Variants in CRMP1 observed in about 807,000 individuals in gnomAD.
CRMP1 encodes collapsin response mediator protein 1, also known as dihydropyrimidinase-related protein 1.
In CRMP1, 19 loss-of-function variants were observed where a neutral mutation model predicts 68.3. The ratio of observed to expected loss-of-function variants is 0.28; its 90% CI spans 0.19 to 0.41. The LOEUF (loss-of-function observed/expected upper bound fraction) is 0.41. Among genes scored for constraint, CRMP1 ranks in the 10% least tolerant of loss-of-function variants. CRMP1 has a pLI of 1.00. For synonymous variants in CRMP1, 439 were observed against 399.6 expected, an observed-to-expected ratio of 1.10 and a Z score of -1.18; for missense variants, 791 against 967.4, an observed-to-expected ratio of 0.82 and a Z score of 2.42.
intron 12 of CRMP1, among the ~76,000 whole-genome samples, chr4:5,827,278 A>G (rs939213437): frequency 3.3e-5 from 5 of 152,194 alleles, no homozygotes; most frequent in African/African-American, 1.2e-4. Flanking sequence ...TGTCCCAGCC[A>G]GGGATTTCCA....
At chr4:5,882,719 T>A (rs1000734297) in intron 1 of CRMP1, among the ~76,000 whole-genome samples, 3 of 152,148 alleles carry the variant, frequency 2.0e-5, no homozygotes, top group African/African-American at 7.2e-5. Flanking sequence ...GAATCCACAT[T>A]CCTACAAGCT....
At position 5,844,084 on chromosome 4, in the gene CRMP1, TC is replaced by T. The variant is rs556705256; in HGVS notation, c.964-924del. Among the ~76,000 whole-genome samples, 343 of 152,258 alleles carry T rather than the reference TC, an allele frequency of 2.3e-3. 4 individuals carry two copies. The highest frequency in any genetic ancestry group is 7.8e-3 in the African/African-American group (325 of 41,552). ...ACCCCGTCATGAACCCTGGGCCTCATCACCCATGAAAAGAAATCACAATCTC... is the reference window on the plus strand; with the variant it reads ...ACCCCGTCATGAACCCTGGGCCTCATACCCATGAAAAGAAATCACAATCTC... On this transcript the variant is annotated intron_variant, in intron 6 of 13. Coordinates refer to ENST00000324989, the MANE Select transcript of CRMP1 (RefSeq NM_001014809.3).
chr4:5,847,184 A>C (rs1712282699), intron 6 of CRMP1, among the ~76,000 whole-genome samples: 1 of 152,164 alleles, frequency 6.6e-6, no homozygotes, highest in South Asian at 2.1e-4. Flanking sequence ...TGTCAGGTCC[A>C]CCACTGCATG....
In CRMP1 at chr4:5,838,864, C is replaced by T. The variant is rs1282188076; in HGVS notation, c.1310+658G>A. On this transcript the variant is annotated intron_variant, in intron 9 of 13. Transcript: ENST00000324989. This position sits in a 1 kb window ranked among gnomAD's most constrained non-coding sequence, Gnocchi z 4.9. ...AGCTTTAGTCTTGATGCCCCCTCCT[C>T]CAGAAAGCCTTCTGCAAGCCTCCCG... Among the ~76,000 whole-genome samples, 1 of 152,202 alleles carries T rather than the reference C, an allele frequency of 6.6e-6. No individual in the cohort carries two copies. The highest frequency in any genetic ancestry group is 1.5e-5 in the Non-Finnish European group (1 of 68,042).
rs899495770 is a variant in CRMP1 at position 5,865,647 on chromosome 4, C to T, written c.470+1021G>A. 3.3e-5 allele frequency among the ~76,000 whole-genome samples: 5 copies of T among 151,748 alleles called. No homozygotes were observed. Among genetic ancestry groups the T allele is most frequent in the African/African-American group, 4.8e-5 (2 of 41,306 alleles). On this transcript the variant is annotated intron_variant, in intron 2 of 13. Coordinates refer to ENST00000324989, the MANE Select transcript of CRMP1 (RefSeq NM_001014809.3). This position sits in a 1 kb window ranked among gnomAD's most constrained non-coding sequence, Gnocchi z 4.1. ...AAAAAAAAAAAAAAAAGAAGGCCGC[C>T]GCCTACAGACCCCTGCCTGGCGTTA...
At chr4:5,856,420 C>G (rs556063584) in intron 3 of CRMP1, 113 bp from the exon 4 acceptor site, 1 of 965,692 alleles carries the variant, frequency 1.0e-6, no homozygotes, top group African/African-American at 1.6e-5. Flanking sequence ...CCATCATCAT[C>G]ATCACCATAA....
chr4:5,821,006 G>A lies in CRMP1; in HGVS notation c.*754C>T, dbSNP rs1718443098. Reference sequence around the variant, plus strand: ...ATCGTCAGCCCCGAATGGGGATGGGGAGACCTCTTTCTGAGTGTGAACCTG... The same window carrying A: ...ATCGTCAGCCCCGAATGGGGATGGGAAGACCTCTTTCTGAGTGTGAACCTG... On this transcript the variant is annotated 3_prime_UTR_variant, in exon 14 of 14. Coordinates refer to ENST00000324989, the MANE Select transcript of CRMP1 (RefSeq NM_001014809.3). This position sits in a 1 kb window ranked among gnomAD's most constrained non-coding sequence, Gnocchi z 4.4. 1 of 152,292 alleles carries A rather than the reference G, an allele frequency of 6.6e-6. No individual in the cohort carries two copies. Among genetic ancestry groups the A allele is most frequent in the South Asian group, 2.1e-4 (1 of 4,832 alleles). 9.4% of individuals were successfully genotyped at this position (152,292 alleles called of 1,614,324 possible). A position where few individuals can be genotyped will look rare whatever the true frequency, so the allele number is the denominator to read the frequency against.
chr4:5,881,794 G>T lies in CRMP1; in HGVS notation c.381+10795C>A, dbSNP rs186696046. ...CCACACATCGGCAGAGAATTTTTTT[G>T]AGTACACCACTGTGCTCACAGCACA... is the stretch of plus-strand genomic sequence containing the variant. On this transcript the variant is annotated intron_variant, in intron 1 of 13. Transcript: ENST00000324989. This position sits in a 1 kb window ranked among gnomAD's most constrained non-coding sequence, Gnocchi z 4.6. Among the ~76,000 whole-genome samples, 289 of 152,218 alleles carry T rather than the reference G, an allele frequency of 1.9e-3. 3 individuals are homozygous for T. The highest frequency in any genetic ancestry group is 0.014 in the Middle Eastern group (4 of 294).
intron 13 of CRMP1, chr4:5,824,709 G>A (rs1043759728): frequency 2.0e-6 from 2 of 979,240 alleles, no homozygotes; most frequent in Non-Finnish European, 2.4e-6. Context: ...AAAGCCTAAA[G>A]TATTTACTAT....
chr4:5,888,616 TCCCACCCCGCCC>T lies in CRMP1; in HGVS notation c.381+3961_381+3972del, dbSNP rs2152477373. ...ACCAGGAAGCGCTTCCCTTCCGATC[TCCCACCCCGCCC>T]CCCGCCCCCCACCCGCCCAGCCCCG... On this transcript the variant is annotated intron_variant, in intron 1 of 13. Coordinates refer to ENST00000324989, the MANE Select transcript of CRMP1 (RefSeq NM_001014809.3). The surrounding 1 kb of genome is among the most constrained non-coding windows in gnomAD (Gnocchi z 6.4). 1.0e-6 allele frequency: 1 copy of T among 1,001,316 alleles called. No individual in the cohort carries two copies. The highest frequency in any genetic ancestry group is 9.6e-5 in the East Asian group (1 of 10,402). The allele number at this position is 1,001,316 out of a possible 1,614,324, so 62.0% of individuals were successfully genotyped here. A position where few individuals can be genotyped will look rare whatever the true frequency, so the allele number is the denominator to read the frequency against.
Position 5,888,017 on chromosome 4 carries a change from C to G in CRMP1, c.381+4572G>C. 6.6e-6 allele frequency among the ~76,000 whole-genome samples: 1 copy of G among 152,098 alleles called. No homozygotes were observed. Among genetic ancestry groups the G allele is most frequent in the South Asian group, 2.1e-4 (1 of 4,826 alleles). The stretch of plus-strand genomic sequence containing the variant: ...GGGAGAGGGACTCCCGGCTCCAGCC[C>G]CGCCCCGCCATGCGGGGCTCCCCCA... On this transcript the variant is annotated intron_variant, in intron 1 of 13. Transcript: ENST00000324989. The surrounding 1 kb of genome is among the most constrained non-coding windows in gnomAD (Gnocchi z 6.4).
In CRMP1 at chr4:5,892,202, G is replaced by A. The variant is rs1044531321; in HGVS notation, c.381+387C>T. On this transcript the variant is annotated intron_variant, in intron 1 of 13. Transcript: ENST00000324989. The surrounding 1 kb of genome is among the most constrained non-coding windows in gnomAD (Gnocchi z 8.6). ...ATGGATGAATGGACCAACACGGAAC[G>A]GAGCTCCAGTTCTTTTCACAAAACA... Among the ~76,000 whole-genome samples, 6 of 152,244 alleles carry A rather than the reference G, an allele frequency of 3.9e-5. No homozygotes were observed. Among genetic ancestry groups the A allele is most frequent in the African/African-American group, 1.2e-4 (5 of 41,548 alleles).
In CRMP1 at chr4:5,854,434, G is replaced by A. The variant is rs1300640985; in HGVS notation, c.820+1709C>T. Among the ~76,000 whole-genome samples, 8 of 135,414 alleles carry A rather than the reference G, an allele frequency of 5.9e-5. No individual in the cohort carries two copies. Among genetic ancestry groups the A allele is most frequent in the South Asian group, 4.8e-4 (2 of 4,186 alleles). The allele number at this position is 135,414 out of a possible 152,430, so 88.8% of individuals were successfully genotyped here. On this transcript the variant is annotated intron_variant, in intron 4 of 13. Coordinates refer to ENST00000324989, the MANE Select transcript of CRMP1 (RefSeq NM_001014809.3). This position sits in a 1 kb window ranked among gnomAD's most constrained non-coding sequence, Gnocchi z 4.0. ...TTTTTTTTTTTTTTTTAATAGAGTCGTGGTCTCACTATGTTGCCCAGGCTG... is the reference window on the plus strand; with the variant it reads ...TTTTTTTTTTTTTTTTAATAGAGTCATGGTCTCACTATGTTGCCCAGGCTG...
intron 13 of CRMP1, chr4:5,824,254 C>T: frequency 3.1e-6 from 3 of 981,440 alleles, no homozygotes; most frequent in Non-Finnish European, 3.6e-6. Flanking sequence ...CAGGATGAAG[C>T]CAATCCCTGG....
chr4:5,834,697 T>C lies in CRMP1; in HGVS notation c.1623+1218A>G, dbSNP rs1425736290. Among the ~76,000 whole-genome samples the C allele has an allele frequency of 1.3e-5, 2 of 152,170 alleles. No individual in the cohort carries two copies. The highest frequency in any genetic ancestry group is 2.9e-5 in the Non-Finnish European group (2 of 68,042). On this transcript the variant is annotated intron_variant, in intron 11 of 13. Coordinates refer to ENST00000324989, the MANE Select transcript of CRMP1 (RefSeq NM_001014809.3). The surrounding 1 kb of genome is among the most constrained non-coding windows in gnomAD (Gnocchi z 4.3). ...AGACCCCAAGCAGTGTGTACACACG[T>C]GAAATAATTCATAATAAATAATAGA...
intron 1 of CRMP1, among the ~76,000 whole-genome samples, chr4:5,869,313 T>C (rs1422390886): frequency 2.0e-5 from 3 of 152,038 alleles, no homozygotes; most frequent in Non-Finnish European, 4.4e-5. Context: ...CCATTTGTAT[T>C]CTCTCCAGGC....
In CRMP1 at chr4:5,890,918, C is replaced by T. The variant is rs1028666526; in HGVS notation, c.381+1671G>A. 3.9e-5 allele frequency among the ~76,000 whole-genome samples: 6 copies of T among 152,134 alleles called. No homozygotes were observed. Among genetic ancestry groups the T allele is most frequent in the African/African-American group, 1.4e-4 (6 of 41,430 alleles). On this transcript the variant is annotated intron_variant, in intron 1 of 13. Coordinates refer to ENST00000324989, the MANE Select transcript of CRMP1 (RefSeq NM_001014809.3). The surrounding 1 kb of genome is among the most constrained non-coding windows in gnomAD (Gnocchi z 5.5). Reference sequence around the variant, plus strand: ...AGGAAGGCCGGAAGAAGACGGCCACCCCCATCTGACAGATGGAGAAGCTGA... The same window carrying T: ...AGGAAGGCCGGAAGAAGACGGCCACTCCCATCTGACAGATGGAGAAGCTGA...
Position 5,826,000 on chromosome 4 carries a change from C to T in CRMP1, c.1804-341G>A, listed in dbSNP as rs560541856. ...ACAGGCCTACACAGTAGCATACACG[C>T]GTGAACACGCACACACACTTAAATC... On this transcript the variant is annotated intron_variant, in intron 12 of 13. Coordinates refer to ENST00000324989, the MANE Select transcript of CRMP1 (RefSeq NM_001014809.3). The surrounding 1 kb of genome is among the most constrained non-coding windows in gnomAD (Gnocchi z 4.4). The T allele has an allele frequency of 2.7e-5, 9 of 329,288 alleles. No homozygotes were observed. Among genetic ancestry groups the T allele is most frequent in the East Asian group, 7.8e-5 (1 of 12,848 alleles). 20.4% of individuals were successfully genotyped at this position (329,288 alleles called of 1,614,324 possible).
Position 5,877,288 on chromosome 4 carries a change from C to T in CRMP1, c.382-10532G>A, listed in dbSNP as rs753353355. On this transcript the variant is annotated intron_variant, in intron 1 of 13. Transcript: ENST00000324989. The surrounding 1 kb of genome is among the most constrained non-coding windows in gnomAD (Gnocchi z 4.3). ...TCTAGAGGGGGTGTTTGTTAGGCAG[C>T]ATCATCGCATCAAAGCAAATTAATA... Among the ~76,000 whole-genome samples the T allele has an allele frequency of 1.1e-4, 17 of 152,214 alleles. No individual in the cohort carries two copies. The highest frequency in any genetic ancestry group is 3.9e-4 in the African/African-American group (16 of 41,454).
Sources: gnomAD v4.1 joint callset for allele counts (sites outside exome capture counted in the v4.1 genomes callset) on GRCh38, gnomAD v4.1.1 for gene constraint, Gnocchi (gnomAD v3.1) non-coding constraint, MANE v1.5 for transcripts, NCBI Gene and HGNC (gene_info 2026-07-23, HGNC 2026-07-21) for gene names.